Variants in MED30 observed in about 807,000 individuals in gnomAD.
MED30 encodes the protein mediator complex subunit 30, also known as mediator of RNA polymerase II transcription subunit 30.
A neutral mutation model predicts 21.7 loss-of-function variants in MED30; 8 were observed. That is an observed-to-expected ratio of 0.37 (90% CI 0.22 to 0.67). The LOEUF is 0.67. MED30 is among the 30% of genes least tolerant of loss of function. The pLI is 0.58. For synonymous variants in MED30, 79 were observed against 86.7 expected (o/e 0.91, Z 0.49); for missense variants, 203 against 228.2 (o/e 0.89, Z 0.71).
intron 1 of MED30, chr8:117,523,325 AC>A (rs2130809039): frequency 1.4e-6 from 2 of 1,437,342 alleles, no homozygotes. Flanking sequence ...TCGGTTGTTG[AC>A]CCAGCCCCAG....
chr8:117,534,386 G>A (rs1041565303), intron 3 of MED30, among the ~76,000 whole-genome samples: 2 of 152,026 alleles, frequency 1.3e-5, no homozygotes, highest in African/African-American at 4.8e-5. Flanking sequence ...TATATTTACG[G>A]AATGAAAGTA....
intron 1 of MED30, chr8:117,523,287 A>T: frequency 7.9e-7 from 1 of 1,258,540 alleles, no homozygotes; most frequent in Non-Finnish European, 1.1e-6. Flanking sequence ...GACCATGTCC[A>T]CGACCAAATC....
At chr8:117,538,172 A>G (rs1818913620) in intron 3 of MED30, among the ~76,000 whole-genome samples, 1 of 152,238 alleles carries the variant, frequency 6.6e-6, no homozygotes, top group South Asian at 2.1e-4. Context: ...AACAGAATAT[A>G]GAAGATGGGT....
chr8:117,522,999 G>A (rs116352670), intron 1 of MED30, among the ~76,000 whole-genome samples: 1,614 of 152,090 alleles, frequency 0.011, 35 homozygotes, highest in African/African-American at 0.037. Context: ...GAGGCTTAAT[G>A]AGAGAAAAAA....
intron 3 of MED30, 55 bp downstream of exon 3, chr8:117,530,882 G>A: frequency 1.6e-6 from 2 of 1,263,582 alleles, no homozygotes; most frequent in Non-Finnish European, 2.3e-6. Context: ...AAAATTACTA[G>A]GGAGTCTGAT....
At chr8:117,538,973 C>G (rs1355905908) in intron 3 of MED30, among the ~76,000 whole-genome samples, 1 of 152,152 alleles carries the variant, frequency 6.6e-6, no homozygotes, top group Admixed American at 6.6e-5. Context: ...AGGCATTGTA[C>G]TTTTATTATA....
intron 1 of MED30, among the ~76,000 whole-genome samples, chr8:117,525,840 T>C (rs1818711794): frequency 6.6e-6 from 1 of 152,116 alleles, no homozygotes; most frequent in Non-Finnish European, 1.5e-5. Context: ...AGGATCTAAA[T>C]GTGTTACACT....
At chr8:117,523,185 TCAAA>T in intron 1 of MED30, 1 of 704,060 alleles carries the variant, frequency 1.4e-6, no homozygotes, top group Non-Finnish European at 2.4e-6. Flanking sequence ...GGACCTGCAT[TCAAA>T]GCCAACTTTT....
chr8:117,533,212 T>C (rs564887592), intron 3 of MED30, among the ~76,000 whole-genome samples: 1 of 152,124 alleles, frequency 6.6e-6, no homozygotes, highest in Non-Finnish European at 1.5e-5. Flanking sequence ...TTTCCCAATT[T>C]GATAACTTAG....
chr8:117,523,394 C>T (rs2130809113), intron 1 of MED30: 1 of 1,553,704 alleles, frequency 6.4e-7, no homozygotes, highest in Non-Finnish European at 8.8e-7. Context: ...GTATCTCTGT[C>T]GGCTTCCCCT....
rs141742080 is a variant in MED30, at chr8:117,534,727, A to G, written c.441+3900A>G. On this transcript the variant is annotated intron_variant, in intron 3 of 3. Transcript: ENST00000297347. ...TCTTCTACCTATATTTTGAGAAAGCACTGAAAGATTAGGTGGTGGGCACAG... is the reference window on the plus strand; with the variant it reads ...TCTTCTACCTATATTTTGAGAAAGCGCTGAAAGATTAGGTGGTGGGCACAG... Among the ~76,000 whole-genome samples, 532 of 152,302 alleles carry G rather than the reference A, an allele frequency of 3.5e-3. 4 individuals are homozygous for G. Among genetic ancestry groups the G allele is most frequent in the East Asian group, 0.029 (152 of 5,182 alleles).
rs1313698762 is a variant in MED30 at position 117,528,590 on chromosome 8, T to C, written c.178-61T>C. ...TGTTTCTGTTTGTTGGCTTTACTTA[T>C]AGAAAATCTTGATTTTTTTTTCATT... On this transcript the variant is annotated intron_variant, in intron 1 of 3. Coordinates refer to ENST00000297347, the MANE Select transcript of MED30 (RefSeq NM_080651.4). 8 of 1,448,790 alleles carry C rather than the reference T, an allele frequency of 5.5e-6. No individual in the cohort carries two copies. In the African/African-American group the frequency reaches 5.7e-5, roughly 10 times the overall value. The allele number at this position is 1,448,790 out of a possible 1,614,324, so 89.7% of individuals were successfully genotyped here. A position where few individuals can be genotyped will look rare whatever the true frequency, so the allele number is the denominator to read the frequency against.
In MED30 at chr8:117,540,095, T is replaced by C; in HGVS notation, c.*117T>C. 2.0e-6 allele frequency: 1 copy of C among 500,018 alleles called. No homozygotes were observed. Among genetic ancestry groups the C allele is most frequent in the Non-Finnish European group, 3.4e-6 (1 of 295,118 alleles). 31.0% of individuals were successfully genotyped at this position (500,018 alleles called of 1,614,324 possible). ...TTTATTTTAGTCACTAAAACTAAAG[T>C]TTTTATTTTTACATTGTGATTTTTA... On this transcript the variant is annotated 3_prime_UTR_variant, in exon 4 of 4. Coordinates refer to ENST00000297347, the MANE Select transcript of MED30 (RefSeq NM_080651.4).
chr8:117,538,051 G>A (rs1818911388), intron 3 of MED30, among the ~76,000 whole-genome samples: 1 of 152,120 alleles, frequency 6.6e-6, no homozygotes, highest in Admixed American at 6.5e-5. Context: ...TGGTCTCTGT[G>A]ATGAAAAAGA....
chr8:117,537,073 G>A lies in MED30; in HGVS notation c.442-2810G>A, dbSNP rs188954993. ...CAGAATGAGTTTTATTTTGCTTAAC[G>A]CTCTTTTCTTGATGGTAAAATGAAA... On this transcript the variant is annotated intron_variant, in intron 3 of 3. Coordinates refer to ENST00000297347, the MANE Select transcript of MED30 (RefSeq NM_080651.4). Among the ~76,000 whole-genome samples, 14 of 152,312 alleles carry A rather than the reference G, an allele frequency of 9.2e-5. No individual in the cohort carries two copies. In the East Asian group the frequency reaches 2.3e-3, roughly 25 times the overall value.
intron 3 of MED30, among the ~76,000 whole-genome samples, chr8:117,531,352 A>G (rs1818790009): frequency 6.6e-6 from 1 of 152,010 alleles, no homozygotes; most frequent in Non-Finnish European, 1.5e-5. Context: ...GTGTCAGTTC[A>G]TTCTGGGGAT....
At chr8:117,535,738 A>G (rs1818869226) in intron 3 of MED30, among the ~76,000 whole-genome samples, 1 of 152,046 alleles carries the variant, frequency 6.6e-6, no homozygotes, top group Admixed American at 6.6e-5. Context: ...GTTAATCCAC[A>G]TTCTTATGTA....
chr8:117,530,922 A>C (rs1818784979), intron 3 of MED30, 95 bp downstream of exon 3: 1 of 863,110 alleles, frequency 1.2e-6, no homozygotes. Flanking sequence ...TGAATTATCA[A>C]ATTACATGAA....
intron 3 of MED30, among the ~76,000 whole-genome samples, chr8:117,531,463 G>A (rs1818790868): frequency 6.6e-6 from 1 of 151,924 alleles, no homozygotes; most frequent in African/African-American, 2.4e-5. Flanking sequence ...GCCCCTTCCT[G>A]AAATTCTTAA....
Sources: gnomAD v4.1 joint callset for allele counts (sites outside exome capture counted in the v4.1 genomes callset) on GRCh38, gnomAD v4.1.1 for gene constraint, MANE v1.5 for transcripts, NCBI Gene and HGNC (gene_info 2026-07-23, HGNC 2026-07-21) for gene names.